Variants in USP28 observed in about 807,000 individuals in gnomAD.
The protein encoded by USP28 is ubiquitin specific peptidase 28.
A neutral mutation model predicts 145.0 loss-of-function variants in USP28; 113 were observed. The observed-to-expected ratio is 0.78, with a 90% CI of 0.67 to 0.91. The LOEUF is 0.91. USP28 is among the 40% of genes least tolerant of loss of function. USP28 has a pLI of 0.00. For synonymous variants in USP28, 447 were observed against 450.9 expected, an observed-to-expected ratio of 0.99 and a Z score of 0.11; for missense variants, 1,201 against 1,289.6, an observed-to-expected ratio of 0.93 and a Z score of 1.05.
exon 18 of USP28, chr11:113,808,360 G>T: frequency 6.2e-7 from 1 of 1,614,012 alleles, no homozygotes; most frequent in Non-Finnish European, 8.5e-7. Flanking sequence ...GCAATAGCCT[G>T]GGCAGTTTGC....
chr11:113,801,707 GA>G lies in USP28; in HGVS notation c.2863-30del, dbSNP rs766845655. The G allele has an allele frequency of 2.6e-6, 4 of 1,526,728 alleles. No individual in the cohort carries two copies. In the Admixed American group the frequency reaches 5.2e-5, roughly 20 times the overall value. The allele number at this position is 1,526,728 out of a possible 1,614,324, so 94.6% of individuals were successfully genotyped here. A position where few individuals can be genotyped will look rare whatever the true frequency, so the allele number is the denominator to read the frequency against. On this transcript the variant is annotated intron_variant, in intron 23 of 24. Transcript: ENST00000003302. ...CAGATAAAAGGTAGAATTAGGTGGG[GA>G]AGAGTCTGAAAAAGATAAATATCTC...
At chr11:113,843,852 G>A (rs1312257410) in intron 3 of USP28, among the ~76,000 whole-genome samples, 1 of 152,040 alleles carries the variant, frequency 6.6e-6, no homozygotes, top group Non-Finnish European at 1.5e-5. Flanking sequence ...TTTGACCTAA[G>A]TACTAGACAA....
In USP28 at chr11:113,875,561, T is replaced by C. The variant is rs1283173445; in HGVS notation, c.-60A>G. 7.3e-6 allele frequency: 8 copies of C among 1,099,232 alleles called. No homozygotes were observed. In the East Asian group the frequency reaches 3.1e-4, roughly 43 times the overall value. The allele number at this position is 1,099,232 out of a possible 1,614,324, so 68.1% of individuals were successfully genotyped here. On this transcript the variant is annotated 5_prime_UTR_variant, in exon 1 of 25. Coordinates refer to ENST00000003302, the Ensembl canonical transcript of USP28. ...CGCCGCAGCCGCCGCCGGCCCAGCCTCTCAGGACTAGGCCCCGCCCCCGCC... is the reference window on the plus strand; with the variant it reads ...CGCCGCAGCCGCCGCCGGCCCAGCCCCTCAGGACTAGGCCCCGCCCCCGCC...
intron 1 of USP28, among the ~76,000 whole-genome samples, chr11:113,869,356 A>T (rs577161569): frequency 6.6e-6 from 1 of 152,258 alleles, no homozygotes; most frequent in Admixed American, 6.5e-5. Flanking sequence ...TAGAACCCGG[A>T]AGGCGGGGGT....
intron 12 of USP28, chr11:113,822,339 C>T (rs975887052): frequency 6.6e-6 from 1 of 152,508 alleles, no homozygotes; most frequent in Admixed American, 6.5e-5. Context: ...ATCCCAGCTA[C>T]TCTGGAGGCT....
intron 16 of USP28, 35 bp downstream of exon 16, chr11:113,812,241 T>C (rs1565349107): frequency 5.1e-6 from 8 of 1,560,104 alleles, no homozygotes; most frequent in South Asian, 2.2e-5. Flanking sequence ...GTACAGATTT[T>C]CCCCAATCTA....
chr11:113,825,393 A>G (rs1244844195), intron 11 of USP28, among the ~76,000 whole-genome samples: 1 of 152,216 alleles, frequency 6.6e-6, no homozygotes, highest in African/African-American at 2.4e-5. Context: ...GCCCTCACAC[A>G]CTGCTAGAGG....
At chr11:113,860,978 C>T (rs1947619086) in intron 1 of USP28, among the ~76,000 whole-genome samples, 1 of 149,788 alleles carries the variant, frequency 6.7e-6, no homozygotes, top group Non-Finnish European at 1.5e-5. Context: ...ATTAGATGGG[C>T]GAGGTGGCAG....
At chr11:113,870,327 G>A (rs2137152115) in intron 1 of USP28, among the ~76,000 whole-genome samples, 1 of 152,252 alleles carries the variant, frequency 6.6e-6, no homozygotes, top group African/African-American at 2.4e-5. Context: ...AGGAGTTCAA[G>A]ACCAGCCTGG....
exon 17 of USP28, chr11:113,809,170 C>G (rs1345581077): frequency 6.2e-7 from 1 of 1,614,100 alleles, no homozygotes; most frequent in Non-Finnish European, 8.5e-7. Flanking sequence ...CTCAAACCGC[C>G]AGTTATCCTC....
chr11:113,823,741 C>A, intron 11 of USP28, 41 bp from the exon 12 acceptor site: 1 of 1,466,424 alleles, frequency 6.8e-7, no homozygotes, highest in South Asian at 1.3e-5. Flanking sequence ...TATTATAAAA[C>A]ATTAATGACA....
At chr11:113,840,483 T>G (rs1945076322) in intron 5 of USP28, 115 bp downstream of exon 5, 13 of 1,333,296 alleles carry the variant, frequency 9.8e-6, no homozygotes, top group Non-Finnish European at 1.1e-5. Context: ...CCAGAAAAAC[T>G]CCCCTAATTT....
intron 24 of USP28, among the ~76,000 whole-genome samples, chr11:113,800,166 C>T (rs1408511248): frequency 4.6e-5 from 7 of 151,962 alleles, no homozygotes; most frequent in Non-Finnish European, 1.0e-4. Flanking sequence ...CCACCACACC[C>T]GGCTAATTTT....
At chr11:113,833,362 A>C in intron 7 of USP28, 58 bp downstream of exon 7, 1 of 1,583,284 alleles carries the variant, frequency 6.3e-7, no homozygotes. Flanking sequence ...ATGAAGCAGT[A>C]CCGCATTAAC....
chr11:113,799,930 G>A (rs1055410013), intron 24 of USP28, among the ~76,000 whole-genome samples: 42 of 152,202 alleles, frequency 2.8e-4, no homozygotes, highest in African/African-American at 1.0e-3. Flanking sequence ...ACAGTAAAGG[G>A]AAACACATGG....
intron 12 of USP28, among the ~76,000 whole-genome samples, chr11:113,818,831 A>G (rs1299305712): frequency 6.6e-6 from 1 of 151,852 alleles, no homozygotes; most frequent in Non-Finnish European, 1.5e-5. Context: ...ACTGTGCTCC[A>G]GCCTGAGTGA....
intron 1 of USP28, among the ~76,000 whole-genome samples, chr11:113,859,746 A>T (rs769463574): frequency 6.6e-6 from 1 of 152,206 alleles, no homozygotes; most frequent in Non-Finnish European, 1.5e-5. Flanking sequence ...TAAAGTACAC[A>T]CCCAACAAGG....
chr11:113,803,849 C>T (rs770592432), exon 22 of USP28: 36 of 1,613,704 alleles, frequency 2.2e-5, no homozygotes, highest in Non-Finnish European at 2.9e-5. Flanking sequence ...AGACACTTTT[C>T]GGAACAAACT....
chr11:113,810,372 A>T (rs1940780540), intron 16 of USP28, among the ~76,000 whole-genome samples: 1 of 152,208 alleles, frequency 6.6e-6, no homozygotes, highest in Non-Finnish European at 1.5e-5. Context: ...GACCAAAACA[A>T]ACAAAAAAAG....
Sources: allele counts gnomAD v4.1 joint callset (sites outside exome capture counted in the v4.1 genomes callset), GRCh38; gene constraint gnomAD v4.1.1; transcripts MANE v1.5; gene names NCBI Gene and HGNC (gene_info 2026-07-23, HGNC 2026-07-21).